ZFHX4: variants seen among roughly 807,000 people sequenced by gnomAD.
The protein encoded by ZFHX4 is zinc finger homeobox protein 4.
A neutral mutation model predicts 267.6 loss-of-function variants in ZFHX4; 56 were observed. The observed-to-expected ratio is 0.21, with a 90% CI of 0.17 to 0.26. The LOEUF (loss-of-function observed/expected upper bound fraction) is 0.26. ZFHX4 is among the 10% of genes least tolerant of loss of function. The pLI is 1.00. For missense variants in ZFHX4, 4,332 were observed against 4,420.0 expected (o/e 0.98, Z 0.56); for synonymous variants, 1,778 against 1,665.6 (o/e 1.07, Z -1.64).
In ZFHX4 at chr8:76,853,311, A is replaced by G. The variant is rs1434663162; in HGVS notation, c.6390A>G (p.Lys2130=). 3 of 1,612,694 alleles carry G rather than the reference A, an allele frequency of 1.9e-6. No individual in the cohort carries two copies. Among genetic ancestry groups the G allele is most frequent in the Non-Finnish European group, 2.5e-6 (3 of 1,179,342 alleles). The part of the protein sequence containing the change: ...DPNFLRHSQF[K]RPRTRITDDQ... ...ACTTCTTAAGACATTCTCAGTTCAAACGCCCACGGACAAGAATTACAGATG... is the reference window on the plus strand; with the variant it reads ...ACTTCTTAAGACATTCTCAGTTCAAGCGCCCACGGACAAGAATTACAGATG... The change falls in exon 10 of 11, where the codon AAA becomes AAG. Residue 2130 remains lysine, a synonymous_variant. Transcript: ENST00000651372.
rs1264009249 is a variant in ZFHX4, at chr8:76,704,753, C to T, written c.665C>T (p.Pro222Leu). 1.2e-6 allele frequency: 2 copies of T among 1,613,986 alleles called. No homozygotes were observed. Among genetic ancestry groups the T allele is most frequent in the Admixed American group, 3.3e-5 (2 of 60,016 alleles). ...PNTSALAGVG[P>L]VLHSFRVYDL... ...ACCTCAGCATTAGCAGGAGTTGGTC[C>T]TGTGTTGCACAGTTTCCGTGTCTAT... The change falls in exon 2 of 11, where the codon CCT (proline) becomes CTT (leucine). Residue 222 changes from proline (P) to leucine (L), a missense_variant. Coordinates refer to ENST00000651372, the MANE Select transcript of ZFHX4 (RefSeq NM_024721.5).
chr8:76,747,480 G>A (rs562806448), intron 3 of ZFHX4, among the ~76,000 whole-genome samples: 4 of 152,156 alleles, frequency 2.6e-5, no homozygotes, highest in South Asian at 4.2e-4. Context: ...TTGTGTCCAC[G>A]TGTTCTCAAG....
chr8:76,812,858 A>G (rs1811412500), intron 4 of ZFHX4, among the ~76,000 whole-genome samples: 1 of 152,190 alleles, frequency 6.6e-6, no homozygotes, highest in Non-Finnish European at 1.5e-5. Flanking sequence ...AGTTTTTTAA[A>G]AAAATGTATT....
chr8:76,845,264 T>C (rs1812336298), intron 6 of ZFHX4, among the ~76,000 whole-genome samples: 1 of 152,120 alleles, frequency 6.6e-6, no homozygotes, highest in African/African-American at 2.4e-5. Context: ...TCATTTATAT[T>C]GTCATTTAAA....
rs199958118 is a variant in ZFHX4 at position 76,859,349 on chromosome 8, AT to A, written c.9379+3056del. ...TGCTCACTTTTTAATAGGATGAATT[AT>A]TTTTTTCTTTAATTTTTGTTCACAT... On this transcript the variant is annotated intron_variant, in intron 10 of 10. Coordinates refer to ENST00000651372, the MANE Select transcript of ZFHX4 (RefSeq NM_024721.5). Among the ~76,000 whole-genome samples, 154 of 152,022 alleles carry A rather than the reference AT, an allele frequency of 1.0e-3. 1 individual carries two copies. In the East Asian group the frequency reaches 0.014, roughly 14 times the overall value.
chr8:76,864,359 T>C lies in ZFHX4; in HGVS notation c.10645T>C (p.Ser3549Pro), dbSNP rs1812971129. 2 of 1,613,816 alleles carry C rather than the reference T, an allele frequency of 1.2e-6. No individual in the cohort carries two copies. Among genetic ancestry groups the C allele is most frequent in the Non-Finnish European group, 1.7e-6 (2 of 1,179,858 alleles). The part of the protein sequence containing the change: ...ASPPSSPPSL[S>P]LPSTVTSSLC... ...TCCCCCTTCTTCTCCTCCTTCCCTT[T>C]CCTTGCCTTCAACGGTTACCTCAAG... Residue 3549 changes from serine to proline, a missense_variant, in exon 11 of 11, where the codon TCC becomes CCC. Around this residue, in one of 7 missense-constraint regions of ZFHX4, gnomAD observed 1,648 missense variants for 1,625.0 expected, o/e 1.01. Transcript: ENST00000651372.
intron 4 of ZFHX4, among the ~76,000 whole-genome samples, chr8:76,813,293 C>T (rs1043677656): frequency 2.0e-5 from 3 of 152,040 alleles, no homozygotes; most frequent in African/African-American, 4.8e-5. Flanking sequence ...TTCCCCGGTA[C>T]AGTCTCGTAA....
intron 4 of ZFHX4, among the ~76,000 whole-genome samples, chr8:76,831,166 C>T (rs1480157416): frequency 6.6e-6 from 1 of 152,124 alleles, no homozygotes; most frequent in Non-Finnish European, 1.5e-5. Context: ...TATCACAGTA[C>T]CTGGCAGAGA....
intron 5 of ZFHX4, among the ~76,000 whole-genome samples, chr8:76,841,380 A>T (rs1585999108): frequency 6.6e-6 from 1 of 152,094 alleles, no homozygotes. Context: ...TTAATAAAAC[A>T]TGGGGGGTGG....
chr8:76,702,994 G>A lies in ZFHX4; in HGVS notation c.-46-1049G>A, dbSNP rs148766085. On this transcript the variant is annotated intron_variant, in intron 1 of 10. Transcript: ENST00000651372. ...CACACACACACACACACACACAAAC[G>A]AAGAGAATGAGACTTTTTACCAGTG... Among the ~76,000 whole-genome samples, 651 of 145,638 alleles carry A rather than the reference G, an allele frequency of 4.5e-3. 2 individuals carry two copies. Among genetic ancestry groups the A allele is most frequent in the Non-Finnish European group, 8.0e-3 (539 of 67,014 alleles).
intron 4 of ZFHX4, among the ~76,000 whole-genome samples, chr8:76,794,095 T>C (rs1402968713): frequency 6.6e-6 from 1 of 152,182 alleles, no homozygotes; most frequent in Non-Finnish European, 1.5e-5. Context: ...CTGTTACTTC[T>C]ATTAAAAGCA....
intron 3 of ZFHX4, among the ~76,000 whole-genome samples, chr8:76,712,358 A>T (rs1031512600): frequency 3.3e-5 from 5 of 152,200 alleles, no homozygotes; most frequent in Non-Finnish European, 7.3e-5. Flanking sequence ...AAGGAAATTT[A>T]AAAAATGGAA....
rs1563549090 is a variant in ZFHX4, at chr8:76,835,241, G to GTATATATATGTATATATATATATGTA, written c.3394+1844_3394+1845insGTATATATATATATGTATATATATAT. On this transcript the variant is annotated intron_variant, in intron 5 of 10. Transcript: ENST00000651372. ...TATGTATATATATATATATATATAT[G>GTATATATATGTATATATATATATGTA]TATATATATATATATATATTCATAC... 4.2e-3 allele frequency among the ~76,000 whole-genome samples: 177 copies of GTATATATATGTATATATATATATGTA among 42,534 alleles called. 3 individuals carry two copies. The highest frequency in any genetic ancestry group is 0.022 in the East Asian group (29 of 1,314). The allele number at this position is 42,534 out of a possible 152,430, so 27.9% of individuals were successfully genotyped here.
At chr8:76,754,846 T>G (rs1809721109) in intron 3 of ZFHX4, among the ~76,000 whole-genome samples, 1 of 152,176 alleles carries the variant, frequency 6.6e-6, no homozygotes, top group Admixed American at 6.5e-5. Flanking sequence ...TCCCTTCCTC[T>G]TACCCTTCCC....
At chr8:76,829,906 C>A (rs1811889704) in intron 4 of ZFHX4, among the ~76,000 whole-genome samples, 2 of 152,112 alleles carry the variant, frequency 1.3e-5, no homozygotes, top group African/African-American at 4.8e-5. Flanking sequence ...AGGTGATTAG[C>A]AGAATTCAGG....
chr8:76,818,179 A>G (rs2131858231), intron 4 of ZFHX4, among the ~76,000 whole-genome samples: 1 of 152,270 alleles, frequency 6.6e-6, no homozygotes, highest in African/African-American at 2.4e-5. Flanking sequence ...GGACATGAAA[A>G]TTGAGTAGGG....
intron 4 of ZFHX4, among the ~76,000 whole-genome samples, chr8:76,780,278 CA>C (rs534819690): frequency 6.6e-6 from 1 of 152,146 alleles, no homozygotes; most frequent in Admixed American, 6.6e-5. Flanking sequence ...AGCTGTCTAT[CA>C]AAGTACAAAG....
At chr8:76,862,754 GTGT>G (rs1259061649) in intron 10 of ZFHX4, among the ~76,000 whole-genome samples, 1 of 152,106 alleles carries the variant, frequency 6.6e-6, no homozygotes, top group East Asian at 1.9e-4. Flanking sequence ...ATCTTGCAAG[GTGT>G]ATCAATTGGA....
intron 1 of ZFHX4, among the ~76,000 whole-genome samples, chr8:76,696,657 A>G (rs907720153): frequency 2.0e-5 from 3 of 151,414 alleles, no homozygotes. Flanking sequence ...AAAAACTCAA[A>G]TAAAAATCCC....
Sources: allele counts gnomAD v4.1 joint callset (sites outside exome capture counted in the v4.1 genomes callset), GRCh38; gene constraint gnomAD v4.1.1; regional missense constraint gnomAD v4.1.1; transcripts MANE v1.5; gene names NCBI Gene and HGNC (gene_info 2026-07-23, HGNC 2026-07-21).